ARHGEF9: variants seen among roughly 807,000 people sequenced by gnomAD.
ARHGEF9 encodes the protein Cdc42 guanine nucleotide exchange factor 9, also known as rho guanine nucleotide exchange factor 9.
A neutral mutation model predicts 41.3 loss-of-function variants in ARHGEF9; 2 were observed. That is an observed-to-expected ratio of 0.05 (90% CI 0.02 to 0.15). The LOEUF is 0.15. Ranked by LOEUF, ARHGEF9 falls within the 10% of genes least tolerant of loss-of-function variation. The pLI, the probability that ARHGEF9 is intolerant of heterozygous loss-of-function variation, is 1.00. For synonymous variants in ARHGEF9, 160 were observed against 154.4 expected (o/e 1.04, Z -0.27); for missense variants, 225 against 424.7 (o/e 0.53, Z 4.13).
At chrX:63,703,154 C>T (rs1360226247) in intron 3 of ARHGEF9, 1 of 112,384 alleles carries the variant, frequency 8.9e-6, no homozygotes, top group Non-Finnish European at 1.9e-5. Context: ...GAGATAGCTC[C>T]CATTTAAATA....
At chrX:63,774,946 CA>C (rs2056267033) in intron 1 of ARHGEF9, among the ~76,000 whole-genome samples, 1 of 111,858 alleles carries the variant, frequency 8.9e-6, no homozygotes, top group South Asian at 3.7e-4. Context: ...CCAGAATCTA[CA>C]AGGAACTTAT....
intron 6 of ARHGEF9, among the ~76,000 whole-genome samples, chrX:63,667,621 C>T (rs782484431): frequency 9.1e-6 from 1 of 110,473 alleles, no homozygotes; most frequent in Non-Finnish European, 1.9e-5. Context: ...ATGGTGTATT[C>T]GAGCATACCA....
chrX:63,671,148 C>G (rs1278634479), intron 6 of ARHGEF9: 3 of 112,398 alleles, frequency 2.7e-5, no homozygotes, highest in African/African-American at 9.7e-5. Context: ...ATCTGGGAGA[C>G]AAGGGGGGTG....
At position 63,774,918 on chromosome X, in the gene ARHGEF9, C is replaced by T. The variant is rs2056266836; in HGVS notation, c.30+10198G>A. On this transcript the variant is annotated intron_variant, in intron 1 of 9. Transcript: ENST00000671741. The stretch of plus-strand genomic sequence containing the variant: ...GAGAAAATGTTTGAAAACTATGTAT[C>T]CAACAAAGTTCTAATATCCAGAATC... 3.6e-5 allele frequency among the ~76,000 whole-genome samples: 4 copies of T among 111,668 alleles called. No homozygotes were observed. In the Admixed American group the frequency reaches 3.8e-4, roughly 11 times the overall value.
intron 2 of ARHGEF9, among the ~76,000 whole-genome samples, chrX:63,720,870 C>T (rs2053597322): frequency 8.9e-6 from 1 of 112,194 alleles, no homozygotes; most frequent in Admixed American, 9.4e-5. Flanking sequence ...ACATAAAAAT[C>T]CAATTCCCGG....
intron 7 of ARHGEF9, 70 bp downstream of exon 7, chrX:63,665,816 A>T: frequency 8.6e-7 from 1 of 1,162,103 alleles, no homozygotes; most frequent in Non-Finnish European, 1.2e-6. Context: ...GAGCCTGGGG[A>T]TGATGAAGAG....
At chrX:63,783,948 T>A (rs1487968711) in intron 1 of ARHGEF9, among the ~76,000 whole-genome samples, 3 of 111,781 alleles carry the variant, frequency 2.7e-5, no homozygotes, top group Admixed American at 9.4e-5. Context: ...TAAGAACCAC[T>A]GAAACAGAGA....
intron 1 of ARHGEF9, 142 bp from the exon 2 acceptor site, chrX:63,724,853 CA>C: frequency 1.8e-6 from 1 of 564,693 alleles, no homozygotes; most frequent in Non-Finnish European, 2.9e-6. Context: ...GGCACTGGAA[CA>C]AAAGTTCCAT....
At chrX:63,715,308 A>T (rs541934436) in intron 2 of ARHGEF9, among the ~76,000 whole-genome samples, 2 of 112,335 alleles carry the variant, frequency 1.8e-5, no homozygotes, top group African/African-American at 6.5e-5. Context: ...TGAAGAGAAG[A>T]CTTCCATTTA....
chrX:63,651,332 A>C (rs1329803660), intron 8 of ARHGEF9, among the ~76,000 whole-genome samples: 3 of 111,328 alleles, frequency 2.7e-5, no homozygotes, highest in African/African-American at 9.7e-5. Flanking sequence ...TCTTTCTCAA[A>C]ATCTACTGTA....
intron 8 of ARHGEF9, among the ~76,000 whole-genome samples, chrX:63,654,062 CTGAG>C (rs1409318456): frequency 9.4e-6 from 1 of 106,713 alleles, no homozygotes; most frequent in African/African-American, 3.5e-5. Flanking sequence ...AAAGTTATTA[CTGAG>C]TATGTTCATG....
chrX:63,742,699 G>A (rs1172155044), intron 1 of ARHGEF9, among the ~76,000 whole-genome samples: 1 of 111,638 alleles, frequency 9.0e-6, no homozygotes, highest in Non-Finnish European at 1.9e-5. Context: ...TAAGAACATG[G>A]CCAGATAAAC....
At chrX:63,659,447 G>A (rs1281048559) in intron 7 of ARHGEF9, among the ~76,000 whole-genome samples, 4 of 111,730 alleles carry the variant, frequency 3.6e-5, no homozygotes, top group African/African-American at 6.5e-5. Context: ...CCTTGTGCTC[G>A]TCTGAATTGG....
chrX:63,764,480 A>G (rs2056083351), intron 1 of ARHGEF9, among the ~76,000 whole-genome samples: 2 of 112,601 alleles, frequency 1.8e-5, no homozygotes, highest in African/African-American at 6.5e-5. Context: ...TATATACCCA[A>G]AGGAATATAA....
At chrX:63,645,233 C>A (rs1175316320) in intron 8 of ARHGEF9, among the ~76,000 whole-genome samples, 4 of 109,893 alleles carry the variant, frequency 3.6e-5, no homozygotes, top group Non-Finnish European at 5.7e-5. Flanking sequence ...TTTTTTTTCA[C>A]TTTTTTTAAT....
At chrX:63,770,583 A>C (rs1218382366) in intron 1 of ARHGEF9, among the ~76,000 whole-genome samples, 1 of 112,267 alleles carries the variant, frequency 8.9e-6, no homozygotes, top group Non-Finnish European at 1.9e-5. Flanking sequence ...TAAAAACATA[A>C]AATTTGGGAG....
chrX:63,688,719 G>A (rs1556378356), intron 4 of ARHGEF9, among the ~76,000 whole-genome samples: 1 of 111,566 alleles, frequency 9.0e-6, no homozygotes, highest in African/African-American at 3.3e-5. Flanking sequence ...GCAGTGAGCC[G>A]AGATCGTGCC....
In ARHGEF9 at chrX:63,637,162, G is replaced by A. The variant is rs1409714773; in HGVS notation, c.*866C>T. On this transcript the variant is annotated 3_prime_UTR_variant, in exon 10 of 10. Coordinates refer to ENST00000671741, the MANE Select transcript of ARHGEF9 (RefSeq NM_001353921.2). ...TAACTCCTAGATGCAAAATTGCAAC[G>A]ACCCAGAAGTGCTGCAACATGGGAA... The A allele has an allele frequency of 3.4e-6, 1 of 297,375 alleles. No homozygotes were observed. Among genetic ancestry groups the A allele is most frequent in the Non-Finnish European group, 5.9e-6 (1 of 170,272 alleles). 24.5% of individuals were successfully genotyped at this position (297,375 alleles called of 1,213,427 possible). A position where few individuals can be genotyped will look rare whatever the true frequency, so the allele number is the denominator to read the frequency against.
intron 1 of ARHGEF9, chrX:63,736,912 C>T (rs1341245630): frequency 3.6e-5 from 4 of 111,193 alleles, no homozygotes; most frequent in Non-Finnish European, 7.5e-5. Flanking sequence ...AAAAAAAACT[C>T]CACAAAATAG....
Sources: allele counts gnomAD v4.1 joint callset (sites outside exome capture counted in the v4.1 genomes callset), GRCh38; gene constraint gnomAD v4.1.1; transcripts MANE v1.5; gene names NCBI Gene and HGNC (gene_info 2026-07-23, HGNC 2026-07-21).